DTD1: variants seen among roughly 807,000 people sequenced by gnomAD.
DTD1 encodes D-aminoacyl-tRNA deacylase 1.
A neutral mutation model predicts 25.6 loss-of-function variants in DTD1; 13 were observed. That is an observed-to-expected ratio of 0.51 (90% confidence interval 0.33 to 0.81). DTD1 has a LOEUF of 0.81. Among genes scored for constraint, DTD1 ranks in the 30% least tolerant of loss-of-function variants. DTD1 has a pLI of 0.02. For missense variants in DTD1, 193 were observed against 266.4 expected (o/e 0.72, Z 1.92); for synonymous variants, 110 against 103.6 (o/e 1.06, Z -0.37).
chr20:18,692,152 A>G (rs6112068), intron 4 of DTD1: 47,251 of 152,092 alleles, frequency 0.31, 8,135 homozygotes, highest in South Asian at 0.43. Flanking sequence ...GTTCTCCTCC[A>G]TAGTTTATTC....
At chr20:18,712,066 C>T (rs1429037480) in intron 4 of DTD1, among the ~76,000 whole-genome samples, 2 of 131,668 alleles carry the variant, frequency 1.5e-5, no homozygotes, top group African/African-American at 2.8e-5. Flanking sequence ...AGGGAGACTC[C>T]GTCTCAAAAA....
At chr20:18,626,523 A>G (rs979474065) in intron 3 of DTD1, among the ~76,000 whole-genome samples, 2 of 152,220 alleles carry the variant, frequency 1.3e-5, no homozygotes, top group African/African-American at 2.4e-5. Flanking sequence ...ATATTTAAGA[A>G]CAACTTGATT....
chr20:18,619,389 A>C (rs2060723901), intron 3 of DTD1, among the ~76,000 whole-genome samples: 1 of 152,140 alleles, frequency 6.6e-6, no homozygotes, highest in Admixed American at 6.5e-5. Context: ...AAAATTACAA[A>C]GAAATTTGGC....
chr20:18,748,705 C>CT (rs1446265029), intron 5 of DTD1, among the ~76,000 whole-genome samples: 2 of 152,328 alleles, frequency 1.3e-5, no homozygotes, highest in Non-Finnish European at 2.9e-5. Flanking sequence ...TCCCCAGTGT[C>CT]TAAGTTTACG....
chr20:18,730,344 A>T (rs184987528), intron 4 of DTD1, among the ~76,000 whole-genome samples: 1 of 152,216 alleles, frequency 6.6e-6, no homozygotes, highest in Non-Finnish European at 1.5e-5. Flanking sequence ...GTGCTGGGTC[A>T]TAACAAGCAT....
intron 3 of DTD1, among the ~76,000 whole-genome samples, chr20:18,627,798 G>A (rs138230231): frequency 0.053 from 8,029 of 152,168 alleles, 286 homozygotes; most frequent in South Asian, 0.096. Flanking sequence ...TCATGGGGGC[G>A]GGTCTTTCCT....
intron 4 of DTD1, among the ~76,000 whole-genome samples, chr20:18,633,721 T>C (rs1320303311): frequency 6.6e-6 from 1 of 152,208 alleles, no homozygotes; most frequent in African/African-American, 2.4e-5. Flanking sequence ...CAATTATTGT[T>C]TTCAAATTTC....
intron 5 of DTD1, among the ~76,000 whole-genome samples, chr20:18,751,847 T>TG (rs2061322493): frequency 6.8e-6 from 1 of 146,756 alleles, no homozygotes; most frequent in Admixed American, 7.0e-5. Flanking sequence ...TGTAGTTTTT[T>TG]TTTTTTGTTG....
At chr20:18,684,394 C>T (rs1192173426) in intron 4 of DTD1, among the ~76,000 whole-genome samples, 1 of 152,114 alleles carries the variant, frequency 6.6e-6, no homozygotes, top group African/African-American at 2.4e-5. Context: ...TCAAGCGATT[C>T]TCGTGCCTCA....
chr20:18,747,553 G>A (rs2061305115), intron 5 of DTD1, among the ~76,000 whole-genome samples: 1 of 152,130 alleles, frequency 6.6e-6, no homozygotes, highest in African/African-American at 2.4e-5. Context: ...TAATTACTTG[G>A]TCCAGAAGCA....
At chr20:18,699,190 A>G (rs898746275) in intron 4 of DTD1, among the ~76,000 whole-genome samples, 1 of 152,170 alleles carries the variant, frequency 6.6e-6, no homozygotes, top group Non-Finnish European at 1.5e-5. Flanking sequence ...AAAAAGCTTT[A>G]GTCTCTAAAA....
chr20:18,708,797 T>A (rs897633562), intron 4 of DTD1, among the ~76,000 whole-genome samples: 1 of 152,210 alleles, frequency 6.6e-6, no homozygotes, highest in Non-Finnish European at 1.5e-5. Context: ...TTTCTAGCGC[T>A]GTTGTCAACA....
At chr20:18,620,307 G>A (rs1045388889) in intron 3 of DTD1, among the ~76,000 whole-genome samples, 2 of 152,182 alleles carry the variant, frequency 1.3e-5, no homozygotes, top group Non-Finnish European at 2.9e-5. Flanking sequence ...AAGTTTGGCT[G>A]CCTGTTTACA....
At position 18,765,799 on chromosome 20, in the gene DTD1, C is replaced by T. The variant is rs953275501; in HGVS notation, c.*2459C>T. 2 of 152,194 alleles carry T rather than the reference C, an allele frequency of 1.3e-5. No individual in the cohort carries two copies. Among genetic ancestry groups the T allele is most frequent in the African/African-American group, 4.8e-5 (2 of 41,438 alleles). The allele number at this position is 152,194 out of a possible 1,614,324, so 9.4% of individuals were successfully genotyped here. The stretch of plus-strand genomic sequence containing the variant: ...TTTACATCTCTCCCAACATCTCTGC[C>T]TCCTTCTTTCTGCTTATTTATAAAG... On this transcript the variant is annotated 3_prime_UTR_variant, in exon 6 of 6. Coordinates refer to ENST00000377452, the MANE Select transcript of DTD1 (RefSeq NM_080820.6).
At chr20:18,666,719 A>G (rs550829779) in intron 4 of DTD1, among the ~76,000 whole-genome samples, 2 of 152,230 alleles carry the variant, frequency 1.3e-5, no homozygotes, top group East Asian at 3.9e-4. Context: ...GCAGAGTTTG[A>G]TATACTTTAG....
At chr20:18,680,846 C>T (rs2060994108) in intron 4 of DTD1, among the ~76,000 whole-genome samples, 1 of 152,098 alleles carries the variant, frequency 6.6e-6, no homozygotes, top group Non-Finnish European at 1.5e-5. Context: ...TTGGTGGTGT[C>T]ATCTTAAAAT....
intron 4 of DTD1, among the ~76,000 whole-genome samples, chr20:18,732,977 G>T (rs1022987761): frequency 7.2e-5 from 11 of 152,128 alleles, no homozygotes; most frequent in African/African-American, 2.4e-4. Flanking sequence ...TTAACATGTG[G>T]TTTTTTTCAA....
chr20:18,718,461 G>A (rs1286271119), intron 4 of DTD1, among the ~76,000 whole-genome samples: 1 of 152,206 alleles, frequency 6.6e-6, no homozygotes, highest in East Asian at 1.9e-4. Context: ...TAATGAGGGG[G>A]AGACATGTTT....
intron 4 of DTD1, among the ~76,000 whole-genome samples, chr20:18,658,507 A>G (rs530602538): frequency 2.6e-5 from 4 of 152,224 alleles, no homozygotes; most frequent in African/African-American, 7.2e-5. Context: ...TGTCTTTGCC[A>G]TAGATATTAA....
Sources: gnomAD v4.1 joint callset for allele counts (sites outside exome capture counted in the v4.1 genomes callset) on GRCh38, gnomAD v4.1.1 for gene constraint, MANE v1.5 for transcripts, NCBI Gene and HGNC (gene_info 2026-07-23, HGNC 2026-07-21) for gene names.